The following ABI2 variants were observed in gnomAD, a reference collection of about 807,000 sequenced individuals.
ABI2 encodes abl interactor 2, also known as abelson interactor 2.
Under a neutral mutation model 59.2 loss-of-function variants are expected in ABI2, and 25 were observed. The observed-to-expected ratio is 0.42, with a 90% CI of 0.31 to 0.59. The LOEUF is 0.59. ABI2 is among the 20% of genes least tolerant of loss of function. The pLI is 0.14. For missense variants in ABI2, 545 were observed against 681.8 expected, an observed-to-expected ratio of 0.80 and a Z score of 2.23; for synonymous variants, 213 against 235.5, an observed-to-expected ratio of 0.90 and a Z score of 0.87.
intron 2 of ABI2, 90 bp from the exon 3 acceptor site, chr2:203,380,118 C>G: frequency 1.4e-6 from 1 of 717,360 alleles, no homozygotes; most frequent in Non-Finnish European, 2.2e-6. Context: ...ATATGAGTAG[C>G]AATATTAAAT....
At chr2:203,350,981 T>C (rs988498022) in intron 1 of ABI2, among the ~76,000 whole-genome samples, 1 of 152,130 alleles carries the variant, frequency 6.6e-6, no homozygotes, top group Non-Finnish European at 1.5e-5. Flanking sequence ...TTTTATAGTT[T>C]TAGCTCTTAC....
chr2:203,359,028 AAAG>A (rs1559211052), intron 1 of ABI2, among the ~76,000 whole-genome samples: 1 of 152,130 alleles, frequency 6.6e-6, no homozygotes, highest in Non-Finnish European at 1.5e-5. Context: ...ACAAAAAACA[AAAG>A]AAAAATCCAT....
chr2:203,351,766 C>G, intron 1 of ABI2: 1 of 280,614 alleles, frequency 3.6e-6, no homozygotes, highest in Non-Finnish European at 7.0e-6. Context: ...AAACTCCTGG[C>G]CTCAAGCAGT....
At position 203,431,390 on chromosome 2, in the gene ABI2, G is replaced by A. The variant is rs973468884; in HGVS notation, c.*4038G>A. 2 of 152,594 alleles carry A rather than the reference G, an allele frequency of 1.3e-5. No individual in the cohort carries two copies. Among genetic ancestry groups the A allele is most frequent in the East Asian group, 1.9e-4 (1 of 5,196 alleles). 9.5% of individuals were successfully genotyped at this position (152,594 alleles called of 1,614,324 possible). A position where few individuals can be genotyped will look rare whatever the true frequency, so the allele number is the denominator to read the frequency against. On this transcript the variant is annotated 3_prime_UTR_variant, in exon 12 of 12. Coordinates refer to ENST00000261018, the MANE Select transcript of ABI2 (RefSeq NM_001375670.1). ...CTATTTGGTGTTTTCAGGAATATAC[G>A]TGAAAAGACATGCCATGTTTTGGTA...
intron 10 of ABI2, among the ~76,000 whole-genome samples, chr2:203,413,031 A>C (rs182538771): frequency 5.9e-5 from 9 of 152,344 alleles, no homozygotes; most frequent in Admixed American, 5.9e-4. Flanking sequence ...AGTCACTTGA[A>C]TAATACCCTG....
At chr2:203,360,005 T>G (rs1230662593) in intron 1 of ABI2, among the ~76,000 whole-genome samples, 1 of 151,856 alleles carries the variant, frequency 6.6e-6, no homozygotes, top group East Asian at 1.9e-4. Context: ...GCCAACATGG[T>G]AAAACCCCGT....
In ABI2 at chr2:203,394,562, T is replaced by A. The variant is rs185454274; in HGVS notation, c.579-138T>A. 1.6e-5 allele frequency: 13 copies of A among 794,612 alleles called. No homozygotes were observed. The African/African-American group carries it at 1.7e-4, about 11-fold the overall frequency. 49.2% of individuals were successfully genotyped at this position (794,612 alleles called of 1,614,324 possible). A position where few individuals can be genotyped will look rare whatever the true frequency, so the allele number is the denominator to read the frequency against. ...GGAGAAGTGATACATTAGTAAAGAC[T>A]GAAATTGGTAGCTGGGTTATGTTAA... On this transcript the variant is annotated intron_variant, in intron 5 of 11. Coordinates refer to ENST00000261018, the MANE Select transcript of ABI2 (RefSeq NM_001375670.1).
intron 9 of ABI2, among the ~76,000 whole-genome samples, chr2:203,404,432 A>T (rs2097345440): frequency 6.6e-6 from 1 of 152,204 alleles, no homozygotes; most frequent in African/African-American, 2.4e-5. Context: ...TTCTTTTTAA[A>T]TCATTCTGAA....
At chr2:203,390,477 A>G (rs1483970206) in intron 4 of ABI2, among the ~76,000 whole-genome samples, 1 of 152,040 alleles carries the variant, frequency 6.6e-6, no homozygotes, top group Non-Finnish European at 1.5e-5. Flanking sequence ...ACTAAAATAC[A>G]AAAAATTAGC....
In ABI2 at chr2:203,429,284, C is replaced by T. The variant is rs1321604878; in HGVS notation, c.*1932C>T. 1 of 152,212 alleles carries T rather than the reference C, an allele frequency of 6.6e-6. No individual in the cohort carries two copies. The highest frequency in any genetic ancestry group is 1.5e-5 in the Non-Finnish European group (1 of 68,064). The allele number at this position is 152,212 out of a possible 1,614,324, so 9.4% of individuals were successfully genotyped here. A position where few individuals can be genotyped will look rare whatever the true frequency, so the allele number is the denominator to read the frequency against. On this transcript the variant is annotated 3_prime_UTR_variant, in exon 12 of 12. Transcript: ENST00000261018. ...TAATGGCCCTGAATGTCCTCTGAGCCTTCAGCTCCATTATGGACCCAAACT... is the reference window on the plus strand; with the variant it reads ...TAATGGCCCTGAATGTCCTCTGAGCTTTCAGCTCCATTATGGACCCAAACT...
At chr2:203,328,667 C>T (rs1559127919) in intron 1 of ABI2, 36 bp downstream of exon 1, 2 of 1,434,690 alleles carry the variant, frequency 1.4e-6, no homozygotes, top group South Asian at 2.9e-5. Context: ...CGTCGGGGAC[C>T]CCCCCGCCGG....
At chr2:203,336,942 C>T (rs1180424026) in intron 1 of ABI2, among the ~76,000 whole-genome samples, 3 of 152,102 alleles carry the variant, frequency 2.0e-5, no homozygotes, top group Non-Finnish European at 4.4e-5. Flanking sequence ...TCATCTTTGT[C>T]AGCATTTGGT....
At chr2:203,410,542 A>C (rs1337407388) in intron 9 of ABI2, among the ~76,000 whole-genome samples, 1 of 152,166 alleles carries the variant, frequency 6.6e-6, no homozygotes, top group African/African-American at 2.4e-5. Flanking sequence ...AGGGAAATAC[A>C]CCTTGGGAAG....
At position 203,395,750 on chromosome 2, in the gene ABI2, C is replaced by G. The variant is rs776506090; in HGVS notation, c.820C>G (p.Pro274Ala). ...SGSVGVPIAV[P>A]TPSPPSVFPA... ...TAGTGTGGGGGTTCCTATTGCTGTT[C>G]CTACTCCATCTCCTCCCAGTGTCTT... is the stretch of plus-strand genomic sequence containing the variant. Residue 274 changes from proline (P) to alanine (A), a missense_variant, in exon 7 of 12, where the codon CCT becomes GCT. Physicochemically the swap from Pro to Ala is conservative, Grantham distance 27. Transcript: ENST00000261018. 2 of 1,606,350 alleles carry G rather than the reference C, an allele frequency of 1.2e-6. No individual in the cohort carries two copies. Among genetic ancestry groups the G allele is most frequent in the East Asian group, 2.3e-5 (1 of 44,198 alleles).
intron 1 of ABI2, among the ~76,000 whole-genome samples, chr2:203,347,093 C>CATGTG (rs1331035432): frequency 2.0e-5 from 3 of 152,178 alleles, no homozygotes; most frequent in African/African-American, 7.2e-5. Context: ...ATTGCCCTAA[C>CATGTG]ATGTGCATCA....
chr2:203,372,444 T>C (rs1450720781), intron 2 of ABI2, among the ~76,000 whole-genome samples: 24 of 144,020 alleles, frequency 1.7e-4, no homozygotes, highest in Admixed American at 2.8e-4. Flanking sequence ...AGCTGTTGGG[T>C]ACACCTCCCA....
chr2:203,414,305 T>G (rs1318343570), intron 10 of ABI2, among the ~76,000 whole-genome samples: 6 of 152,272 alleles, frequency 3.9e-5, no homozygotes, highest in African/African-American at 1.4e-4. Context: ...TTTCGCCATA[T>G]TGGCCAGGCT....
chr2:203,391,362 G>T (rs533933845), intron 5 of ABI2, among the ~76,000 whole-genome samples: 1 of 152,104 alleles, frequency 6.6e-6, no homozygotes, highest in Non-Finnish European at 1.5e-5. Flanking sequence ...TAAATTTGAG[G>T]TAAAATCCTA....
At chr2:203,385,122 C>T (rs1449216571) in intron 4 of ABI2, among the ~76,000 whole-genome samples, 7 of 110,324 alleles carry the variant, frequency 6.3e-5, no homozygotes, top group Admixed American at 2.0e-4. Flanking sequence ...TGTGAGCCAC[C>T]GCACCCGGCT....
Sources: allele counts gnomAD v4.1 joint callset (sites outside exome capture counted in the v4.1 genomes callset), GRCh38; gene constraint gnomAD v4.1.1; transcripts MANE v1.5; gene names NCBI Gene and HGNC (gene_info 2026-07-23, HGNC 2026-07-21).